The following MTDH variants were observed in gnomAD, a reference collection of about 807,000 sequenced individuals.
MTDH encodes metadherin, also known as protein LYRIC.
A neutral mutation model predicts 72.7 loss-of-function variants in MTDH; 34 were observed. That is an observed-to-expected ratio of 0.47 (90% CI 0.36 to 0.62). The LOEUF (loss-of-function observed/expected upper bound fraction) is 0.62. Ranked by LOEUF, MTDH falls within the 20% of genes least tolerant of loss-of-function variation. The pLI is 0.00. For synonymous variants in MTDH, 266 were observed against 268.9 expected (o/e 0.99, Z 0.10); for missense variants, 677 against 699.4 (o/e 0.97, Z 0.36).
intron 2 of MTDH, among the ~76,000 whole-genome samples, chr8:97,686,001 A>G (rs777799280): frequency 6.6e-6 from 1 of 152,196 alleles, no homozygotes; most frequent in Non-Finnish European, 1.5e-5. Flanking sequence ...TTGTATGCGT[A>G]TAGGTATTTT....
At chr8:97,718,954 C>A in intron 9 of MTDH, 95 bp from the exon 10 acceptor site, 1 of 1,198,240 alleles carries the variant, frequency 8.3e-7, no homozygotes, top group African/African-American at 1.6e-5. Flanking sequence ...CCTCCGCCTC[C>A]CAGAGTGCTG....
chr8:97,704,465 A>G (rs1814264665), intron 7 of MTDH, among the ~76,000 whole-genome samples: 1 of 152,266 alleles, frequency 6.6e-6, no homozygotes, highest in Non-Finnish European at 1.5e-5. Context: ...AAAATTAGCC[A>G]GGCATGGTGG....
Position 97,700,305 on chromosome 8 carries a change from G to A in MTDH, c.1147+453G>A, listed in dbSNP as rs577456167. Among the ~76,000 whole-genome samples the A allele has an allele frequency of 7.3e-5, 11 of 151,712 alleles. No individual in the cohort carries two copies. In the South Asian group the frequency reaches 1.5e-3, roughly 20 times the overall value. On this transcript the variant is annotated intron_variant, in intron 7 of 11. Transcript: ENST00000336273. ...AGGGAAGAATATGGTTTGTATGTTC[G>A]GAAAGCTCATGCCGTCTTCATTTAA...
intron 2 of MTDH, among the ~76,000 whole-genome samples, chr8:97,675,457 A>G (rs1812796896): frequency 6.6e-6 from 1 of 151,176 alleles, no homozygotes; most frequent in Admixed American, 6.6e-5. Context: ...GGTACTCGGG[A>G]GGCTGAGGCA....
rs147831600 is a variant in MTDH at position 97,661,103 on chromosome 8, G to C, written c.413G>C (p.Gly138Ala). The C allele has an allele frequency of 8.7e-6, 14 of 1,613,230 alleles. No individual in the cohort carries two copies. In the African/African-American group the frequency reaches 1.7e-4, roughly 20 times the overall value. The change falls in exon 2 of 12, where the codon GGT (glycine) becomes GCT (alanine). Residue 138 changes from glycine (G) to alanine (A), a missense_variant. By Grantham distance (60) the Gly-to-Ala change is moderately conservative. Transcript: ENST00000336273. ...PNGRTVEVAEGEAVRTPQSVT... is the reference protein window; with the variant it reads ...PNGRTVEVAEAEAVRTPQSVT... ...GGGCGGACTGTTGAAGTGGCTGAGGGTGAAGCTGTTCGAACACCTCAAAGT... is the reference window on the plus strand; with the variant it reads ...GGGCGGACTGTTGAAGTGGCTGAGGCTGAAGCTGTTCGAACACCTCAAAGT...
intron 6 of MTDH, among the ~76,000 whole-genome samples, chr8:97,693,211 A>AT (rs888966722): frequency 2.7e-5 from 4 of 150,642 alleles, no homozygotes; most frequent in East Asian, 3.9e-4. Context: ...AAGGTTGGGG[A>AT]TTTTTTTTTT....
intron 2 of MTDH, among the ~76,000 whole-genome samples, chr8:97,670,131 A>G (rs1183861560): frequency 6.6e-6 from 1 of 152,030 alleles, no homozygotes; most frequent in East Asian, 1.9e-4. Context: ...CTTGGGCAAC[A>G]TGGCGAAACC....
intron 2 of MTDH, among the ~76,000 whole-genome samples, chr8:97,670,966 T>G (rs1812596063): frequency 1.4e-5 from 2 of 139,068 alleles, no homozygotes; most frequent in Non-Finnish European, 3.1e-5. Context: ...TTTTTTTTTT[T>G]TTTTTTTTTT....
chr8:97,699,873 TC>T, intron 7 of MTDH, 21 bp downstream of exon 7: 1 of 1,520,880 alleles, frequency 6.6e-7, no homozygotes. Flanking sequence ...TTAAAAATTA[TC>T]AGTTATTTTT....
At chr8:97,687,913 G>C (rs1395393374) in intron 4 of MTDH, among the ~76,000 whole-genome samples, 3 of 152,122 alleles carry the variant, frequency 2.0e-5, no homozygotes, top group Non-Finnish European at 4.4e-5. Context: ...TTGCATCTCT[G>C]TTCCTTAGAG....
intron 1 of MTDH, among the ~76,000 whole-genome samples, chr8:97,652,861 C>T (rs1811827523): frequency 6.6e-6 from 1 of 152,036 alleles, no homozygotes; most frequent in Non-Finnish European, 1.5e-5. Context: ...CAGCCAGGTG[C>T]GGTGGTTCAC....
chr8:97,697,150 A>ATTTTTTTTTTTTTTTTTTT (rs59102217), intron 6 of MTDH, among the ~76,000 whole-genome samples: 2 of 68,786 alleles, frequency 2.9e-5, no homozygotes, highest in African/African-American at 9.1e-5. Flanking sequence ...ATATATATAT[A>ATTTTTTTTTTTTTTTTTTT]TTTTTTTTTT....
In MTDH at chr8:97,719,208, A is replaced by G; in HGVS notation, c.1521+19A>G. 6 of 1,609,688 alleles carry G rather than the reference A, an allele frequency of 3.7e-6. No individual in the cohort carries two copies. The highest frequency in any genetic ancestry group is 4.2e-6 in the Non-Finnish European group (5 of 1,178,496). On this transcript the variant is annotated intron_variant, in intron 10 of 11. Coordinates refer to ENST00000336273, the MANE Select transcript of MTDH (RefSeq NM_178812.4). ...TAGCCAGGTAATTTTTAAGAATAAT[A>G]AAGTTGCCGGGCGCAGTGGCTTACG... is the stretch of plus-strand genomic sequence containing the variant.
intron 2 of MTDH, among the ~76,000 whole-genome samples, chr8:97,669,293 G>C (rs1474374216): frequency 1.3e-5 from 2 of 151,840 alleles, no homozygotes; most frequent in Admixed American, 1.3e-4. Flanking sequence ...GGGATTACAG[G>C]CACCTGCCAC....
chr8:97,665,748 A>C (rs537542010), intron 2 of MTDH, among the ~76,000 whole-genome samples: 1 of 152,354 alleles, frequency 6.6e-6, no homozygotes, highest in African/African-American at 2.4e-5. Flanking sequence ...TGACTGGTCA[A>C]GATAGGGTAG....
At chr8:97,714,759 CAG>C (rs1280702873) in intron 9 of MTDH, among the ~76,000 whole-genome samples, 1 of 151,960 alleles carries the variant, frequency 6.6e-6, no homozygotes, top group Non-Finnish European at 1.5e-5. Flanking sequence ...ATGTAGGAGA[CAG>C]GGAACCGCAA....
At chr8:97,680,223 C>CCACCATGCCCAG (rs1813015866) in intron 2 of MTDH, among the ~76,000 whole-genome samples, 1 of 152,100 alleles carries the variant, frequency 6.6e-6, no homozygotes, top group Non-Finnish European at 1.5e-5. Context: ...CAGGTGTGCA[C>CCACCATGCCCAG]CACCATGCCC....
rs1176302781 is a variant in MTDH, at chr8:97,697,119, C to CAAAAAA, written c.1049-2629_1049-2624dup. 3.6e-4 allele frequency among the ~76,000 whole-genome samples: 23 copies of CAAAAAA among 63,048 alleles called. 1 individual carries two copies. The highest frequency in any genetic ancestry group is 2.7e-3 in the African/African-American group (22 of 8,170). 41.4% of individuals were successfully genotyped at this position (63,048 alleles called of 152,430 possible). On this transcript the variant is annotated intron_variant, in intron 6 of 11. Coordinates refer to ENST00000336273, the MANE Select transcript of MTDH (RefSeq NM_178812.4). ...GGTGACAGAGTGAGACTCTGTCTCACAAAAAAAAAAATATATATATATATA... is the reference window on the plus strand; with the variant it reads ...GGTGACAGAGTGAGACTCTGTCTCACAAAAAAAAAAAAAAAAATATATATATATATA...
intron 2 of MTDH, among the ~76,000 whole-genome samples, chr8:97,672,828 T>A (rs2130961416): frequency 6.6e-6 from 1 of 152,368 alleles, no homozygotes; most frequent in East Asian, 1.9e-4. Context: ...AAAGGCGTTC[T>A]TAAGAGAGGT....
Sources: gnomAD v4.1 joint callset for allele counts (sites outside exome capture counted in the v4.1 genomes callset) on GRCh38, gnomAD v4.1.1 for gene constraint, MANE v1.5 for transcripts, NCBI Gene and HGNC (gene_info 2026-07-23, HGNC 2026-07-21) for gene names.